The following EXOC6B variants were observed in gnomAD, a reference collection of about 807,000 sequenced individuals.
EXOC6B encodes the protein SEC15 homolog B.
EXOC6B carries 54 observed loss-of-function variants against 113.5 expected under a neutral mutation model. The observed-to-expected ratio is 0.48, with a 90% CI of 0.38 to 0.60. The LOEUF (loss-of-function observed/expected upper bound fraction) is 0.60. EXOC6B is among the 20% of genes least tolerant of loss of function. EXOC6B has a pLI of 0.00. For synonymous variants in EXOC6B, 357 were observed against 339.0 expected, an observed-to-expected ratio of 1.05 and a Z score of -0.58; for missense variants, 797 against 977.5, an observed-to-expected ratio of 0.82 and a Z score of 2.46.
In EXOC6B at chr2:72,531,096, G is replaced by C. The variant is rs2105754300; in HGVS notation, c.916-15970C>G. Among the ~76,000 whole-genome samples the C allele has an allele frequency of 1.3e-5, 2 of 151,864 alleles. 1 individual carries two copies. Among genetic ancestry groups the C allele is most frequent in the South Asian group, 4.2e-4 (2 of 4,818 alleles). On this transcript the variant is annotated intron_variant, in intron 8 of 21. Transcript: ENST00000272427. ...CACATGTTAGGGCTTACATCTGTCA[G>C]GTTTTTTTGTGTTGTTTTATGTTCA... is the stretch of plus-strand genomic sequence containing the variant.
At chr2:72,378,311 A>T (rs1691479495) in intron 19 of EXOC6B, among the ~76,000 whole-genome samples, 1 of 152,198 alleles carries the variant, frequency 6.6e-6, no homozygotes, top group South Asian at 2.1e-4. Context: ...CCCAGCTGTC[A>T]CATCAGCCCT....
At chr2:72,262,198 T>C (rs919413048) in intron 20 of EXOC6B, among the ~76,000 whole-genome samples, 2 of 152,060 alleles carry the variant, frequency 1.3e-5, no homozygotes, top group African/African-American at 4.8e-5. Flanking sequence ...TTCCTTCACC[T>C]AGGCCAGCTT....
At chr2:72,329,883 G>A (rs1219316540) in intron 20 of EXOC6B, among the ~76,000 whole-genome samples, 1 of 152,046 alleles carries the variant, frequency 6.6e-6, no homozygotes, top group Non-Finnish European at 1.5e-5. Context: ...TTCAAGGCAG[G>A]TTAAGTGTCT....
At chr2:72,423,735 G>GCAAATACATACACGTGCACA (rs1362813441) in intron 18 of EXOC6B, among the ~76,000 whole-genome samples, 3 of 152,024 alleles carry the variant, frequency 2.0e-5, no homozygotes, top group African/African-American at 7.2e-5. Flanking sequence ...GTGTGTGCAT[G>GCAAATACATACACGTGCACA]CACATACATA....
At chr2:72,541,724 G>A (rs903047744) in intron 8 of EXOC6B, among the ~76,000 whole-genome samples, 2 of 152,044 alleles carry the variant, frequency 1.3e-5, no homozygotes, top group African/African-American at 2.4e-5. Flanking sequence ...GCAGGTGTAG[G>A]TGGAGTGTGT....
At chr2:72,398,100 T>C (rs932476486) in intron 18 of EXOC6B, among the ~76,000 whole-genome samples, 1 of 152,210 alleles carries the variant, frequency 6.6e-6, no homozygotes, top group African/African-American at 2.4e-5. Context: ...TTTGAATCAG[T>C]AGACTTGAAT....
In EXOC6B at chr2:72,563,935, T is replaced by G. The variant is rs116076012; in HGVS notation, c.847-4414A>C. Among the ~76,000 whole-genome samples the G allele has an allele frequency of 5.3e-3, 812 of 152,276 alleles. 8 individuals are homozygous for G. Among genetic ancestry groups the G allele is most frequent in the African/African-American group, 0.019 (776 of 41,560 alleles). On this transcript the variant is annotated intron_variant, in intron 7 of 21. Coordinates refer to ENST00000272427, the MANE Select transcript of EXOC6B (RefSeq NM_015189.3). ...TAACAGATATATTCATTTAATATTT[T>G]TCTAACCCTTCCCCCAAAAGGATTC...
chr2:72,824,796 G>C (rs535935676), intron 1 of EXOC6B, among the ~76,000 whole-genome samples: 12 of 152,228 alleles, frequency 7.9e-5, no homozygotes, highest in African/African-American at 2.9e-4. Context: ...GTTCAAAACT[G>C]GGCTTAGTGA....
At chr2:72,599,288 G>T (rs908013553) in intron 6 of EXOC6B, among the ~76,000 whole-genome samples, 4 of 151,842 alleles carry the variant, frequency 2.6e-5, no homozygotes. Flanking sequence ...ACATCCATAG[G>T]TTAAAAAAGA....
chr2:72,269,365 T>C (rs529862822), intron 20 of EXOC6B, among the ~76,000 whole-genome samples: 129 of 152,176 alleles, frequency 8.5e-4, no homozygotes, highest in Non-Finnish European at 1.6e-3. Flanking sequence ...TGAACAGAAG[T>C]AAAAACTTAG....
chr2:72,184,014 C>A (rs199701910), intron 21 of EXOC6B, 61 bp downstream of exon 21: 1 of 967,584 alleles, frequency 1.0e-6, no homozygotes, highest in Admixed American at 2.2e-5. Flanking sequence ...TTATCTTCTA[C>A]GCCAACCCCC....
rs151119854 is a variant in EXOC6B, at chr2:72,576,278, G to A, written c.670-610C>T. Among the ~76,000 whole-genome samples the A allele has an allele frequency of 4.2e-3, 635 of 151,980 alleles. 6 individuals carry two copies. Among genetic ancestry groups the A allele is most frequent in the African/African-American group, 0.015 (613 of 41,460 alleles). ...CATGACTGTGATCTGTGGAAAGCAG[G>A]GTTATAAAGGGTTTTAAAGGGTTTT... On this transcript the variant is annotated intron_variant, in intron 6 of 21. Coordinates refer to ENST00000272427, the MANE Select transcript of EXOC6B (RefSeq NM_015189.3).
At chr2:72,220,397 C>T (rs1368798375) in intron 20 of EXOC6B, among the ~76,000 whole-genome samples, 1 of 152,164 alleles carries the variant, frequency 6.6e-6, no homozygotes, top group Non-Finnish European at 1.5e-5. Context: ...GCTGCCTCCT[C>T]ATGCCCCCTG....
At chr2:72,748,829 C>A (rs1681861165) in intron 1 of EXOC6B, among the ~76,000 whole-genome samples, 1 of 151,944 alleles carries the variant, frequency 6.6e-6, no homozygotes, top group African/African-American at 2.4e-5. Flanking sequence ...TGGTTAAATA[C>A]CACAGGAAAG....
rs143518832 is a variant in EXOC6B at position 72,446,354 on chromosome 2, G to C, written c.1980+18806C>G. On this transcript the variant is annotated intron_variant, in intron 18 of 21. Transcript: ENST00000272427. ...AGATCATGCCACTGCACTGCAGACT[G>C]GGCAACAAGAGCAATACTCTGTCTC... Among the ~76,000 whole-genome samples, 70 of 151,414 alleles carry C rather than the reference G, an allele frequency of 4.6e-4. 2 individuals carry two copies. The highest frequency in any genetic ancestry group is 3.4e-3 in the Middle Eastern group (1 of 294).
At chr2:72,703,927 C>A (rs929220312) in intron 6 of EXOC6B, among the ~76,000 whole-genome samples, 5 of 151,904 alleles carry the variant, frequency 3.3e-5, no homozygotes, top group East Asian at 1.9e-4. Context: ...CCTTCTCCTG[C>A]CTAATTGCCC....
At chr2:72,358,168 A>G (rs1690083543) in intron 19 of EXOC6B, among the ~76,000 whole-genome samples, 1 of 152,128 alleles carries the variant, frequency 6.6e-6, no homozygotes, top group South Asian at 2.1e-4. Flanking sequence ...AATAATTACA[A>G]TATGTATTTA....
intron 1 of EXOC6B, among the ~76,000 whole-genome samples, chr2:72,748,464 T>C (rs1681837333): frequency 6.6e-6 from 1 of 152,050 alleles, no homozygotes; most frequent in Admixed American, 6.6e-5. Flanking sequence ...CCAACCTTAG[T>C]ATTGTAATCT....
intron 6 of EXOC6B, among the ~76,000 whole-genome samples, chr2:72,710,471 T>C (rs1414470266): frequency 2.0e-5 from 3 of 152,152 alleles, no homozygotes; most frequent in Non-Finnish European, 4.4e-5. Flanking sequence ...ACCATTCATT[T>C]AGGCAAAAGA....
Sources: allele counts gnomAD v4.1 joint callset (sites outside exome capture counted in the v4.1 genomes callset), GRCh38; gene constraint gnomAD v4.1.1; transcripts MANE v1.5; gene names NCBI Gene and HGNC (gene_info 2026-07-23, HGNC 2026-07-21).